Variants in BRI3 observed in about 807,000 individuals in gnomAD.
BRI3 encodes the protein brain protein I3.
Under a neutral mutation model 12.8 loss-of-function variants are expected in BRI3, and 6 were observed. The observed-to-expected ratio is 0.47, with a 90% CI of 0.26 to 0.93. The LOEUF (loss-of-function observed/expected upper bound fraction) is 0.93. Ranked by LOEUF, BRI3 falls within the 40% of genes least tolerant of loss-of-function variation. BRI3 has a pLI of 0.15. For synonymous variants in BRI3, 91 were observed against 76.1 expected (o/e 1.20, Z -1.02); for missense variants, 134 against 171.1 (o/e 0.78, Z 1.21).
chr7:98,281,781 C>A lies in BRI3; in HGVS notation c.-15C>A. On this transcript the variant is annotated 5_prime_UTR_variant, in exon 1 of 3. Transcript: ENST00000297290. Reference sequence around the variant, plus strand: ...AGCCGAGCCGGGCCGGAGCGGCGGGCGCGGCCGGGCCGCCATGGACCACAA... The same window carrying A: ...AGCCGAGCCGGGCCGGAGCGGCGGGAGCGGCCGGGCCGCCATGGACCACAA... The A allele has an allele frequency of 3.1e-5, 35 of 1,113,562 alleles. No individual in the cohort carries two copies. Among genetic ancestry groups the A allele is most frequent in the Non-Finnish European group, 3.8e-5 (35 of 912,482 alleles). The allele number at this position is 1,113,562 out of a possible 1,614,324, so 69.0% of individuals were successfully genotyped here.
Position 98,282,444 on chromosome 7 carries a change from C to T in BRI3, c.236C>T (p.Pro79Leu). 1 of 1,613,878 alleles carries T rather than the reference C, an allele frequency of 6.2e-7. No individual in the cohort carries two copies. Among genetic ancestry groups the T allele is most frequent in the Non-Finnish European group, 8.5e-7 (1 of 1,179,818 alleles). ...ANSIVVVGGC[P>L]VCRVGVLEDC... ...TCTATCGTGGTCGTAGGAGGCTGTC[C>T]TGTCTGCAGGTGAGTGGGTCTGCAG... Residue 79 changes from proline (P) to leucine (L), a missense_variant, in exon 2 of 3, where the codon CCT becomes CTT. Transcript: ENST00000297290.
chr7:98,291,055 G>A (rs913213770), intron 2 of BRI3, 56 bp from the exon 3 acceptor site: 9 of 1,604,144 alleles, frequency 5.6e-6, no homozygotes, highest in South Asian at 2.2e-5. Context: ...CAGGGGTGAG[G>A]GTTCTGGCTG....
chr7:98,321,818 C>T, the BRI3 span, among the ~76,000 whole-genome samples: 1 of 152,128 alleles, frequency 6.6e-6, no homozygotes, highest in African/African-American at 2.4e-5. Flanking sequence ...AATTCCAGGC[C>T]GGGTGTGGTG....
the BRI3 span, among the ~76,000 whole-genome samples, chr7:98,321,095 G>A: frequency 1.3e-5 from 2 of 152,114 alleles, no homozygotes; most frequent in Non-Finnish European, 2.9e-5. Flanking sequence ...CTGACCTCAA[G>A]TGATCCGCAC....
upstream of BRI3, among the ~76,000 whole-genome samples, chr7:98,302,535 C>CT (rs1314129294): frequency 6.6e-6 from 1 of 152,212 alleles, no homozygotes; most frequent in Non-Finnish European, 1.5e-5. Flanking sequence ...GCAACAGACT[C>CT]TGAGCAGGGC....
At chr7:98,297,543 G>A (rs1053846895), downstream of BRI3, among the ~76,000 whole-genome samples, 8 of 152,104 alleles carry the variant, frequency 5.3e-5, no homozygotes, top group South Asian at 4.1e-4. Context: ...CCAGTTACTC[G>A]CAACAAAAGT....
chr7:98,306,520 C>A, upstream of BRI3: 4 of 1,614,154 alleles, frequency 2.5e-6, no homozygotes, highest in Non-Finnish European at 3.4e-6. Flanking sequence ...ACCCCTCCTA[C>A]CGGCAAAGAG....
At chr7:98,318,239 A>G in the BRI3 span, among the ~76,000 whole-genome samples, 1 of 152,074 alleles carries the variant, frequency 6.6e-6, no homozygotes, top group Admixed American at 6.6e-5. Flanking sequence ...TCTTTCTTTT[A>G]TTCCTTCTTT....
chr7:98,301,854 G>GGGT (rs1283597734), upstream of BRI3, among the ~76,000 whole-genome samples: 1 of 152,186 alleles, frequency 6.6e-6, no homozygotes, highest in Admixed American at 6.5e-5. Context: ...CAGGTGGGAA[G>GGGT]GGTGGTGGTG....
chr7:98,321,519 G>A, the BRI3 span, among the ~76,000 whole-genome samples: 11 of 152,090 alleles, frequency 7.2e-5, no homozygotes, highest in African/African-American at 2.7e-4. Context: ...CCTCACCGCC[G>A]AGGGCAGCAA....
chr7:98,292,541 G>A (rs907488830), downstream of BRI3: 7 of 1,182,428 alleles, frequency 5.9e-6, no homozygotes, highest in Non-Finnish European at 8.6e-6. Flanking sequence ...TCCAGCCCCG[G>A]GCTCAGGGCA....
chr7:98,321,013 C>G, the BRI3 span, among the ~76,000 whole-genome samples: 1 of 152,034 alleles, frequency 6.6e-6, no homozygotes, highest in Admixed American at 6.6e-5. Context: ...TGCACCACCA[C>G]ACTCAGCTAT....
chr7:98,282,235 G>A, intron 1 of BRI3, 116 bp from the exon 2 acceptor site: 1 of 968,758 alleles, frequency 1.0e-6, no homozygotes, highest in Non-Finnish European at 1.5e-6. Context: ...TCCCGAGGGT[G>A]GAAAAGACCG....
chr7:98,291,165 C>T lies in BRI3; in HGVS notation c.300C>T (p.Ile100=), dbSNP rs781673839. Residue 100 remains isoleucine, a synonymous_variant, in exon 3 of 3, where the codon ATC becomes ATT. Coordinates refer to ENST00000297290, the MANE Select transcript of BRI3 (RefSeq NM_015379.5). ...FTFLGIFLAI[I]LFPFGFICCF... is the part of the protein sequence containing the mutation. ...TCCTGGGCATCTTCCTGGCCATCAT[C>T]CTCTTCCCCTTTGGGTTCATTTGCT... 1 of 1,614,214 alleles carries T rather than the reference C, an allele frequency of 6.2e-7. No individual in the cohort carries two copies. Among genetic ancestry groups the T allele is most frequent in the African/African-American group, 1.3e-5 (1 of 75,050 alleles).
At chr7:98,294,768 C>T (rs1800115883), downstream of BRI3, among the ~76,000 whole-genome samples, 3 of 152,210 alleles carry the variant, frequency 2.0e-5, no homozygotes, top group South Asian at 4.1e-4. Context: ...GGCTTTGGGG[C>T]TGCTAGAGCC....
In BRI3 at chr7:98,288,880, C is replaced by T. The variant is rs902736702; in HGVS notation, c.246-2231C>T. Reference sequence around the variant, plus strand: ...GTGCTGCAGTTGCAGGCGTGAGCCACGGTGTCCTACTCCACTGGAGATTGC... The same window carrying T: ...GTGCTGCAGTTGCAGGCGTGAGCCATGGTGTCCTACTCCACTGGAGATTGC... On this transcript the variant is annotated intron_variant, in intron 2 of 2. Transcript: ENST00000297290. Among the ~76,000 whole-genome samples the T allele has an allele frequency of 3.9e-5, 6 of 152,170 alleles. No individual in the cohort carries two copies. The East Asian group carries it at 5.8e-4, about 15-fold the overall frequency.
At position 98,281,929 on chromosome 7, in the gene BRI3, T is replaced by C; in HGVS notation, c.134T>C (p.Leu45Pro). 1 of 1,304,950 alleles carries C rather than the reference T, an allele frequency of 7.7e-7. No homozygotes were observed. The highest frequency in any genetic ancestry group is 2.1e-5 in the South Asian group (1 of 47,052). 80.8% of individuals were successfully genotyped at this position (1,304,950 alleles called of 1,614,324 possible). A position where few individuals can be genotyped will look rare whatever the true frequency, so the allele number is the denominator to read the frequency against. ...AAPPPPPYPY[L>P]VTGIPTHHPR... ...CCCCCGCCGCCGCCCTACCCCTACC[T>C]CGTCACAGGTGGGCCCGTAACCAAC... Residue 45 changes from leucine (L) to proline (P), a missense_variant, in exon 1 of 3, where the codon CTC becomes CCC. Coordinates refer to ENST00000297290, the MANE Select transcript of BRI3 (RefSeq NM_015379.5).
chr7:98,297,937 T>TA (rs1800258094), downstream of BRI3, among the ~76,000 whole-genome samples: 1 of 152,016 alleles, frequency 6.6e-6, no homozygotes, highest in African/African-American at 2.4e-5. Flanking sequence ...ATACGTAAAT[T>TA]AAAAAAATTC....
chr7:98,306,367 T>C (rs1354564366), upstream of BRI3: 4 of 1,559,350 alleles, frequency 2.6e-6, no homozygotes, highest in Admixed American at 5.0e-5. Context: ...CACAGCTAGA[T>C]GGTGGTGTGT....
Sources: gnomAD v4.1 joint callset for allele counts (sites outside exome capture counted in the v4.1 genomes callset) on GRCh38, gnomAD v4.1.1 for gene constraint, MANE v1.5 for transcripts, NCBI Gene and HGNC (gene_info 2026-07-23, HGNC 2026-07-21) for gene names.